HERC2: variants seen among roughly 807,000 people sequenced by gnomAD.
The protein encoded by HERC2 is E3 ubiquitin-protein ligase HERC2.
In HERC2, 102 loss-of-function variants were observed where a neutral mutation model predicts 537.7. The observed-to-expected ratio is 0.19, with a 90% CI of 0.16 to 0.22. The LOEUF is 0.22. Among genes scored for constraint, HERC2 ranks in the 10% least tolerant of loss-of-function variants. HERC2 has a pLI of 1.00. For missense variants in HERC2, 4,236 were observed against 6,198.2 expected, an observed-to-expected ratio of 0.68 and a Z score of 10.63; for synonymous variants, 2,224 against 2,466.2, an observed-to-expected ratio of 0.90 and a Z score of 2.91.
At chr15:28,251,409 C>G (rs1392773975) in intron 20 of HERC2, among the ~76,000 whole-genome samples, 2 of 150,490 alleles carry the variant, frequency 1.3e-5, no homozygotes, top group African/African-American at 4.9e-5. Context: ...TGCCACTGCA[C>G]TCCAGTCTGG....
Position 28,215,736 on chromosome 15 carries a change from C to T in HERC2, c.6095G>A (p.Ser2032Asn). The change falls in exon 39 of 93, where the codon AGC (serine) becomes AAC (asparagine). Residue 2032 changes from serine to asparagine, a missense_variant. Transcript: ENST00000261609. The part of the protein sequence containing the change: ...RSWCTLGFVR[S>N]IALTPQVCGA... Reference sequence around the variant, plus strand: ...GCATACCTGCGGCGTGAGAGCGATGCTCCGCACAAACCCCAGCGTGCACCA... The same window carrying T: ...GCATACCTGCGGCGTGAGAGCGATGTTCCGCACAAACCCCAGCGTGCACCA... The T allele has an allele frequency of 3.7e-6, 6 of 1,612,044 alleles. No individual in the cohort carries two copies. Among genetic ancestry groups the T allele is most frequent in the Non-Finnish European group, 5.1e-6 (6 of 1,179,854 alleles).
chr15:28,297,828 A>T (rs1258583496), intron 3 of HERC2, among the ~76,000 whole-genome samples: 1 of 150,066 alleles, frequency 6.7e-6, no homozygotes, highest in Non-Finnish European at 1.5e-5. Flanking sequence ...TTCATTATAT[A>T]CAAATTTTAC....
chr15:28,289,534 G>A (rs868191040), intron 4 of HERC2, among the ~76,000 whole-genome samples: 1 of 152,122 alleles, frequency 6.6e-6, no homozygotes, highest in East Asian at 1.9e-4. Flanking sequence ...TGCCTCCCCA[G>A]CACGATGGAG....
rs61756159 is a variant in HERC2, at chr15:28,201,513, T to G, written c.7659A>C (p.Lys2553Asn). The G allele has an allele frequency of 5.6e-6, 9 of 1,613,442 alleles. No homozygotes were observed. Among genetic ancestry groups the G allele is most frequent in the South Asian group, 1.1e-5 (1 of 91,070 alleles). ...AVVTESQTYK[K>N]RADFLSNDDY... ...CATCATTACTCAAGAAATCAGCTCG[T>G]TTTTTGTACGTCTGGCTCTCCGTCA... The change falls in exon 48 of 93, where the codon AAA becomes AAC. Residue 2553 changes from lysine (K) to asparagine (N), a missense_variant. By Grantham distance (94) the Lys-to-Asn change is moderately conservative. This residue lies in a region of HERC2 where 606 missense variants were observed against 884.5 expected (regional missense o/e 0.69). Transcript: ENST00000261609.
intron 44 of HERC2, among the ~76,000 whole-genome samples, chr15:28,210,403 A>T (rs557158758): frequency 5.2e-4 from 79 of 152,208 alleles, no homozygotes; most frequent in African/African-American, 1.7e-3. Flanking sequence ...CCCAAAGTGC[A>T]GGGATTACAG....
intron 23 of HERC2, among the ~76,000 whole-genome samples, chr15:28,245,606 G>GAT (rs36126627): frequency 0.054 from 6,975 of 129,036 alleles, 573 homozygotes; most frequent in African/African-American, 0.19. Context: ...CACACACACA[G>GAT]ATATATATAT....
At chr15:28,293,433 C>T (rs932896824) in intron 3 of HERC2, among the ~76,000 whole-genome samples, 1 of 146,082 alleles carries the variant, frequency 6.8e-6, no homozygotes, top group African/African-American at 2.5e-5. Flanking sequence ...GCAGAGCTTG[C>T]AGTGAGCTGA....
chr15:28,230,029 A>G (rs1901662453), intron 31 of HERC2, among the ~76,000 whole-genome samples, 182 bp from the exon 32 acceptor site: 1 of 152,214 alleles, frequency 6.6e-6, no homozygotes, highest in African/African-American at 2.4e-5. Context: ...TCTCTATACT[A>G]ATATATGTTG....
At chr15:28,161,574 A>G (rs770618712) in intron 69 of HERC2, among the ~76,000 whole-genome samples, 8 of 152,214 alleles carry the variant, frequency 5.3e-5, no homozygotes, top group Admixed American at 1.3e-4. Flanking sequence ...CTGCAGACCT[A>G]CAGACCAATT....
At chr15:28,165,160 C>T (rs1893998829) in intron 68 of HERC2, among the ~76,000 whole-genome samples, 1 of 152,188 alleles carries the variant, frequency 6.6e-6, no homozygotes, top group African/African-American at 2.4e-5. Context: ...AGGTGCCACA[C>T]TCTGGGTCAA....
chr15:28,257,160 A>G lies in HERC2; in HGVS notation c.2418T>C (p.Leu806=). The change falls in exon 17 of 93, where the codon CTT becomes CTC. Residue 806 remains leucine, a synonymous_variant. Coordinates refer to ENST00000261609, the MANE Select transcript of HERC2 (RefSeq NM_004667.6). ...SMTFEQLDLL[L]RQVSEGMDGS... The stretch of plus-strand genomic sequence containing the variant: ...CATCCATCCCCTCACTCACCTGCCG[A>G]AGCAGGAGATCCAGCTGCTCAAAAG... The G allele has an allele frequency of 6.2e-7, 1 of 1,613,776 alleles. No individual in the cohort carries two copies.
At chr15:28,282,962 A>G (rs1472577398) in intron 4 of HERC2, among the ~76,000 whole-genome samples, 1 of 133,650 alleles carries the variant, frequency 7.5e-6, no homozygotes, top group Non-Finnish European at 1.5e-5. Flanking sequence ...GGGAAGGGAC[A>G]GGAAGGGATG....
chr15:28,286,095 C>G (rs2141092390), intron 4 of HERC2, among the ~76,000 whole-genome samples: 1 of 151,970 alleles, frequency 6.6e-6, no homozygotes, highest in East Asian at 1.9e-4. Context: ...TTCCATCAAA[C>G]ATTAAAAAAG....
At chr15:28,206,567 C>T (rs1321309901) in intron 44 of HERC2, among the ~76,000 whole-genome samples, 185 bp from the exon 45 acceptor site, 2 of 151,626 alleles carry the variant, frequency 1.3e-5, no homozygotes, top group East Asian at 3.9e-4. Flanking sequence ...GGTGCGGTGG[C>T]TCACGCGTGT....
At chr15:28,267,045 T>C (rs370387464) in intron 12 of HERC2, among the ~76,000 whole-genome samples, 3 of 152,222 alleles carry the variant, frequency 2.0e-5, no homozygotes, top group Non-Finnish European at 1.5e-5. Flanking sequence ...GAAGTCTTAC[T>C]AGTTGAAGAA....
intron 20 of HERC2, among the ~76,000 whole-genome samples, chr15:28,249,732 C>T (rs965501796): frequency 6.6e-6 from 1 of 152,020 alleles, no homozygotes; most frequent in African/African-American, 2.4e-5. Flanking sequence ...CTGCAACCTC[C>T]GCCTCCCGGG....
chr15:28,317,473 G>A (rs1210865305), intron 2 of HERC2, among the ~76,000 whole-genome samples: 1 of 152,224 alleles, frequency 6.6e-6, no homozygotes, highest in South Asian at 2.1e-4. Flanking sequence ...ATTAGAGGAA[G>A]AGACAAATAA....
In HERC2 at chr15:28,178,933, G is replaced by A; in HGVS notation, c.9117C>T (p.Ile3039=). The change falls in exon 59 of 93, where the codon ATC becomes ATT. Residue 3039 remains isoleucine (I), a synonymous_variant. Transcript: ENST00000261609. ...TGACCACGTAGCTGCTGAGAGCTGT[G>A]ATCTGCCGTGGGATGGGCACCGTCC... ...SSGTVPIPRQ[I]TALSSYVVKK... is the part of the protein sequence containing the mutation. The A allele has an allele frequency of 1.2e-6, 2 of 1,614,154 alleles. No homozygotes were observed. The highest frequency in any genetic ancestry group is 1.7e-6 in the Non-Finnish European group (2 of 1,180,040).
intron 69 of HERC2, among the ~76,000 whole-genome samples, chr15:28,156,554 T>C (rs1893030416): frequency 6.6e-6 from 1 of 152,234 alleles, no homozygotes; most frequent in Non-Finnish European, 1.5e-5. Flanking sequence ...TTGCTGTTTG[T>C]CTGTTATTGA....
Sources: gnomAD v4.1 joint callset for allele counts (sites outside exome capture counted in the v4.1 genomes callset) on GRCh38, gnomAD v4.1.1 for gene constraint, gnomAD v4.1.1 regional missense constraint, MANE v1.5 for transcripts, NCBI Gene and HGNC (gene_info 2026-07-23, HGNC 2026-07-21) for gene names.